CMYA5: variants seen among roughly 807,000 people sequenced by gnomAD.
CMYA5 encodes the protein cardiomyopathy associated 5, also known as cardiomyopathy-associated protein 5.
CMYA5 carries 246 observed loss-of-function variants against 318.9 expected under a neutral mutation model. The observed-to-expected ratio is 0.77, with a 90% CI of 0.70 to 0.86. The LOEUF (loss-of-function observed/expected upper bound fraction) is 0.86. Ranked by LOEUF, CMYA5 falls within the 40% of genes least tolerant of loss-of-function variation. CMYA5 has a pLI of 0.00. For synonymous variants in CMYA5, 1,641 were observed against 1,729.5 expected (o/e 0.95, Z 1.27); for missense variants, 4,589 against 4,678.2 (o/e 0.98, Z 0.56).
At chr5:79,712,095 C>T (rs1334985142) in intron 1 of CMYA5, among the ~76,000 whole-genome samples, 1 of 152,192 alleles carries the variant, frequency 6.6e-6, no homozygotes, top group Non-Finnish European at 1.5e-5. Flanking sequence ...TGTCTGCTGG[C>T]ACCAGGCAAA....
chr5:79,692,998 G>T (rs929865787), intron 1 of CMYA5, among the ~76,000 whole-genome samples: 1 of 152,116 alleles, frequency 6.6e-6, no homozygotes, highest in Non-Finnish European at 1.5e-5. Context: ...ACAGAAAAAC[G>T]TAATTATGTC....
At position 79,799,873 on chromosome 5, in the gene CMYA5, A is replaced by T; in HGVS notation, c.*257A>T. 1.4e-5 allele frequency: 2 copies of T among 142,346 alleles called. No individual in the cohort carries two copies. The highest frequency in any genetic ancestry group is 2.8e-5 in the Non-Finnish European group (2 of 72,556). 8.8% of individuals were successfully genotyped at this position (142,346 alleles called of 1,614,324 possible). On this transcript the variant is annotated 3_prime_UTR_variant, in exon 13 of 13. Transcript: ENST00000446378. ...AAGTTTGAGTTCTTTCCTAAATTAAAAGATCTACACTTGAGTTGGGAACCG... is the reference window on the plus strand; with the variant it reads ...AAGTTTGAGTTCTTTCCTAAATTAATAGATCTACACTTGAGTTGGGAACCG...
intron 1 of CMYA5, among the ~76,000 whole-genome samples, chr5:79,702,062 C>T (rs966590319): frequency 2.6e-5 from 4 of 151,956 alleles, no homozygotes; most frequent in African/African-American, 7.3e-5. Context: ...TGAGATCTTG[C>T]GACTGCACTC....
chr5:79,746,534 G>T (rs1580783498), intron 4 of CMYA5, among the ~76,000 whole-genome samples: 2 of 49,826 alleles, frequency 4.0e-5, no homozygotes, highest in East Asian at 7.0e-4. Context: ...CTTCTTTCTA[G>T]AAGAGCAAAC....
chr5:79,714,202 C>T (rs1827468407), intron 1 of CMYA5, among the ~76,000 whole-genome samples: 1 of 152,116 alleles, frequency 6.6e-6, no homozygotes, highest in African/African-American at 2.4e-5. Context: ...TCACACCCCT[C>T]TTCTTTTGCA....
chr5:79,721,307 G>A (rs866274648), intron 1 of CMYA5, among the ~76,000 whole-genome samples: 28 of 151,880 alleles, frequency 1.8e-4, no homozygotes, highest in African/African-American at 6.8e-4. Flanking sequence ...AACATATTGA[G>A]ACCCCCATGT....
At chr5:79,794,882 G>A (rs1446035864) in intron 12 of CMYA5, among the ~76,000 whole-genome samples, 1 of 152,106 alleles carries the variant, frequency 6.6e-6, no homozygotes, top group Admixed American at 6.5e-5. Flanking sequence ...CGTCAAGTCA[G>A]AGCAATTATG....
chr5:79,709,563 T>C (rs990287335), intron 1 of CMYA5, among the ~76,000 whole-genome samples: 1 of 152,054 alleles, frequency 6.6e-6, no homozygotes, highest in Non-Finnish European at 1.5e-5. Flanking sequence ...CTCTCATGAC[T>C]GTATAGAGGA....
chr5:79,788,263 T>A (rs1829115966), intron 9 of CMYA5, among the ~76,000 whole-genome samples: 1 of 151,588 alleles, frequency 6.6e-6, no homozygotes, highest in South Asian at 2.1e-4. Context: ...ATCAAACAGA[T>A]TAAAGAGAAT....
rs1407670087 is a variant in CMYA5, at chr5:79,763,171, G to T, written c.11517G>T (p.Glu3839Asp). Residue 3839 changes from glutamate to aspartate, a missense_variant, in exon 9 of 13, where the codon GAG becomes GAT. Glu to Asp is a conservative substitution (Grantham distance 45). Transcript: ENST00000446378. Reference sequence around the variant, plus strand: ...AGGCCACGGAGACCTACACTCTGGAGTACTGCAGACAGCACTCTCCTGAGG... The same window carrying T: ...AGGCCACGGAGACCTACACTCTGGATTACTGCAGACAGCACTCTCCTGAGG... The part of the protein sequence containing the change: ...TPEATETYTL[E>D]YCRQHSPEGE... 6.2e-7 allele frequency: 1 copy of T among 1,611,822 alleles called. No individual in the cohort carries two copies. The highest frequency in any genetic ancestry group is 1.1e-5 in the South Asian group (1 of 90,460).
chr5:79,713,163 A>G (rs893096709), intron 1 of CMYA5, among the ~76,000 whole-genome samples: 1 of 152,158 alleles, frequency 6.6e-6, no homozygotes. Flanking sequence ...AGTGGTTCTC[A>G]GCTATTACAT....
chr5:79,716,819 T>C (rs1483281300), intron 1 of CMYA5, among the ~76,000 whole-genome samples: 2 of 152,228 alleles, frequency 1.3e-5, no homozygotes, highest in African/African-American at 4.8e-5. Flanking sequence ...GCAACATCCG[T>C]ATACATCCTA....
intron 1 of CMYA5, among the ~76,000 whole-genome samples, chr5:79,703,402 A>G (rs76316831): frequency 0.021 from 3,232 of 152,346 alleles, 117 homozygotes; most frequent in African/African-American, 0.073. Flanking sequence ...TAAGAACAAA[A>G]AAGTCTTTCA....
chr5:79,694,910 T>C (rs897356927), intron 1 of CMYA5, among the ~76,000 whole-genome samples: 3 of 152,100 alleles, frequency 2.0e-5, no homozygotes, highest in Admixed American at 6.5e-5. Flanking sequence ...GATAACAGAG[T>C]CACTTGTAGC....
intron 2 of CMYA5, among the ~76,000 whole-genome samples, chr5:79,741,466 CAT>C (rs1359242921): frequency 6.6e-6 from 1 of 152,176 alleles, no homozygotes; most frequent in African/African-American, 2.4e-5. Context: ...CAACAGATAA[CAT>C]ATTAGAATCT....
chr5:79,773,930 A>T (rs1385916735), intron 9 of CMYA5, among the ~76,000 whole-genome samples: 1 of 152,258 alleles, frequency 6.6e-6, no homozygotes, highest in Non-Finnish European at 1.5e-5. Flanking sequence ...AGGCAAAAAA[A>T]GATGAGTAAT....
rs1222979969 is a variant in CMYA5 at position 79,730,879 on chromosome 5, T to G, written c.2114T>G (p.Leu705Arg). The stretch of plus-strand genomic sequence containing the variant: ...GCTTCTGAATATTCAGTTCCATCAC[T>G]GGCAACAAAAGAGTCACTGAAGAAA... ...TSASEYSVPS[L>R]ATKESLKKTI... Residue 705 changes from leucine (L) to arginine (R), a missense_variant, in exon 2 of 13, where the codon CTG becomes CGG. Transcript: ENST00000446378. The G allele has an allele frequency of 6.2e-7, 1 of 1,613,938 alleles. No homozygotes were observed. Among genetic ancestry groups the G allele is most frequent in the East Asian group, 2.2e-5 (1 of 44,882 alleles).
Position 79,763,066 on chromosome 5 carries a change from C to T in CMYA5, c.11412C>T (p.Pro3804=), listed in dbSNP as rs1251184968. The T allele has an allele frequency of 6.2e-7, 1 of 1,613,218 alleles. No individual in the cohort carries two copies. Among genetic ancestry groups the T allele is most frequent in the Non-Finnish European group, 8.5e-7 (1 of 1,179,428 alleles). Residue 3804 remains proline (P), a synonymous_variant, in exon 9 of 13, where the codon CCC becomes CCT. Coordinates refer to ENST00000446378, the MANE Select transcript of CMYA5 (RefSeq NM_153610.5). The part of the protein sequence containing the change: ...PSERAIFRTA[P]STPVIRAEDC... The stretch of plus-strand genomic sequence containing the variant: ...GTCCTGACTCTCTTTCTGCAGCACC[C>T]TCCACCCCTGTGATCCGCGCTGAGG...
At chr5:79,753,168 G>A (rs1828464683) in intron 6 of CMYA5, among the ~76,000 whole-genome samples, 2 of 151,838 alleles carry the variant, frequency 1.3e-5, no homozygotes, top group Admixed American at 1.3e-4. Flanking sequence ...TTTCCTACGT[G>A]TCAAACAGAT....
Sources: allele counts gnomAD v4.1 joint callset (sites outside exome capture counted in the v4.1 genomes callset), GRCh38; gene constraint gnomAD v4.1.1; transcripts MANE v1.5; gene names NCBI Gene and HGNC (gene_info 2026-07-23, HGNC 2026-07-21).